Variants in LPCAT1 observed in about 807,000 individuals in gnomAD.
LPCAT1 encodes the protein lysophosphatidylcholine acyltransferase 1.
LPCAT1 carries 23 observed loss-of-function variants against 60.9 expected under a neutral mutation model. The ratio of observed to expected loss-of-function variants is 0.38; its 90% CI spans 0.27 to 0.53. LPCAT1 has a LOEUF of 0.53. Ranked by LOEUF, LPCAT1 falls within the 20% of genes least tolerant of loss-of-function variation. LPCAT1 has a pLI of 0.82. For synonymous variants in LPCAT1, 340 were observed against 301.1 expected (o/e 1.13, Z -1.34); for missense variants, 622 against 723.6 (o/e 0.86, Z 1.61).
intron 1 of LPCAT1, among the ~76,000 whole-genome samples, chr5:1,510,357 G>A (rs150150571): frequency 1.2e-4 from 19 of 152,212 alleles, no homozygotes; most frequent in African/African-American, 3.1e-4. Flanking sequence ...ACCGCCTCCC[G>A]CCGCTGTCAT....
intron 1 of LPCAT1, among the ~76,000 whole-genome samples, chr5:1,514,341 G>C (rs1210806892): frequency 6.6e-6 from 1 of 152,214 alleles, no homozygotes; most frequent in Non-Finnish European, 1.5e-5. Context: ...AGCAGCACGA[G>C]GGGCCATCGC....
At position 1,484,810 on chromosome 5, in the gene LPCAT1, G is replaced by A. The variant is rs58025937; in HGVS notation, c.668-1324C>T. Among the ~76,000 whole-genome samples the A allele has an allele frequency of 4.0e-3, 608 of 152,248 alleles. 4 individuals carry two copies. Among genetic ancestry groups the A allele is most frequent in the African/African-American group, 0.012 (498 of 41,480 alleles). Reference sequence around the variant, plus strand: ...CCCCAAGTCCCTGGGCCCGTGTGCCGCAGCTTCCCCTGTGTCCAGGGCTGG... The same window carrying A: ...CCCCAAGTCCCTGGGCCCGTGTGCCACAGCTTCCCCTGTGTCCAGGGCTGG... On this transcript the variant is annotated intron_variant, in intron 5 of 13. Coordinates refer to ENST00000283415, the MANE Select transcript of LPCAT1 (RefSeq NM_024830.5).
chr5:1,512,924 T>C (rs894012180), intron 1 of LPCAT1, among the ~76,000 whole-genome samples: 1 of 152,210 alleles, frequency 6.6e-6, no homozygotes, highest in African/African-American at 2.4e-5. Context: ...ACCACCTGGC[T>C]CAGACGGCAC....
chr5:1,518,331 A>G (rs1736568465), intron 1 of LPCAT1, among the ~76,000 whole-genome samples: 1 of 152,200 alleles, frequency 6.6e-6, no homozygotes, highest in Non-Finnish European at 1.5e-5. Context: ...GGCACAGTAA[A>G]AACTTTTTCT....
chr5:1,504,981 C>T (rs36975), intron 1 of LPCAT1, among the ~76,000 whole-genome samples: 40,832 of 148,786 alleles, frequency 0.27, 6,607 homozygotes, highest in Non-Finnish European at 0.36. Context: ...CAGTAACCCA[C>T]GCTGTTCCTG....
chr5:1,466,676 C>T (rs752926849), intron 13 of LPCAT1, 73 bp downstream of exon 13: 215 of 1,481,382 alleles, frequency 1.5e-4, no homozygotes, highest in African/African-American at 3.8e-4. Context: ...TGGGCTCCCA[C>T]GGAGACTCGC....
At chr5:1,520,550 C>T in intron 1 of LPCAT1, among the ~76,000 whole-genome samples, 1 of 152,016 alleles carries the variant, frequency 6.6e-6, no homozygotes, top group African/African-American at 2.4e-5. Flanking sequence ...TGGTTCCGAG[C>T]AGCAGAGACT....
In LPCAT1 at chr5:1,476,863, G is replaced by T. The variant is rs1265976634; in HGVS notation, c.899+541C>A. ...GGGAGAGGGGGAGGGCGTGTGAGCC[G>T]ACAGCACTGCCGGCCATGCAAGCAG... On this transcript the variant is annotated intron_variant, in intron 9 of 13. Coordinates refer to ENST00000283415, the MANE Select transcript of LPCAT1 (RefSeq NM_024830.5). This position sits in a 1 kb window ranked among gnomAD's most constrained non-coding sequence, Gnocchi z 8.6. Among the ~76,000 whole-genome samples the T allele has an allele frequency of 6.6e-6, 1 of 152,016 alleles. No individual in the cohort carries two copies. Among genetic ancestry groups the T allele is most frequent in the Non-Finnish European group, 1.5e-5 (1 of 68,000 alleles).
intron 13 of LPCAT1, among the ~76,000 whole-genome samples, chr5:1,465,550 A>G (rs539625137): frequency 6.6e-6 from 1 of 150,632 alleles, no homozygotes; most frequent in Admixed American, 6.6e-5. Context: ...ACAGCAACTA[A>G]ACACACATGC....
At position 1,487,805 on chromosome 5, in the gene LPCAT1, A is replaced by G. The variant is rs1419313938; in HGVS notation, c.667+586T>C. Among the ~76,000 whole-genome samples, 1 of 151,982 alleles carries G rather than the reference A, an allele frequency of 6.6e-6. No homozygotes were observed. Among genetic ancestry groups the G allele is most frequent in the Non-Finnish European group, 1.5e-5 (1 of 68,002 alleles). On this transcript the variant is annotated intron_variant, in intron 5 of 13. Transcript: ENST00000283415. The surrounding 1 kb of genome is among the most constrained non-coding windows in gnomAD (Gnocchi z 6.1). Reference sequence around the variant, plus strand: ...CAAGGGTGTGCAGAATTCCAAACAGACTCAGCGCAAAAAGAACAGTGGACT... The same window carrying G: ...CAAGGGTGTGCAGAATTCCAAACAGGCTCAGCGCAAAAAGAACAGTGGACT...
intron 3 of LPCAT1, among the ~76,000 whole-genome samples, chr5:1,492,274 G>A (rs1735615670): frequency 1.3e-5 from 2 of 151,590 alleles, no homozygotes. Context: ...TCTCTGAGCT[G>A]GGGCCTGGGG....
chr5:1,498,576 C>T (rs1275265092), intron 2 of LPCAT1, among the ~76,000 whole-genome samples: 1 of 152,156 alleles, frequency 6.6e-6, no homozygotes, highest in Non-Finnish European at 1.5e-5. Flanking sequence ...CTCTCATACA[C>T]ATATGTACAT....
intron 1 of LPCAT1, among the ~76,000 whole-genome samples, chr5:1,508,791 G>A (rs139568773): frequency 1.3e-3 from 199 of 152,314 alleles, no homozygotes; most frequent in Admixed American, 2.9e-3. Flanking sequence ...GAGTGAAGGC[G>A]CCGGTGGTCA....
At position 1,508,413 on chromosome 5, in the gene LPCAT1, C is replaced by A. The variant is rs545996772; in HGVS notation, c.136-6810G>T. ...AGAGGTGACGAAGGTAAAATGAGAT[C>A]ATCTGGGGGCCCTGAGCCAACCTGC... On this transcript the variant is annotated intron_variant, in intron 1 of 13. Transcript: ENST00000283415. Among the ~76,000 whole-genome samples the A allele has an allele frequency of 6.3e-4, 96 of 152,242 alleles. 1 individual carries two copies. Among genetic ancestry groups the A allele is most frequent in the East Asian group, 4.4e-3 (23 of 5,176 alleles).
chr5:1,511,918 T>C (rs1579813105), intron 1 of LPCAT1, among the ~76,000 whole-genome samples: 2 of 152,346 alleles, frequency 1.3e-5, no homozygotes, highest in East Asian at 1.9e-4. Flanking sequence ...TGGCTGGGGA[T>C]GGCTGTGTTG....
chr5:1,515,394 C>G (rs1736476394), intron 1 of LPCAT1, among the ~76,000 whole-genome samples: 1 of 151,696 alleles, frequency 6.6e-6, no homozygotes, highest in Admixed American at 6.6e-5. Flanking sequence ...GCTGCAGGAG[C>G]CCACAGCCTG....
At position 1,496,455 on chromosome 5, in the gene LPCAT1, A is replaced by G. The variant is rs536208404; in HGVS notation, c.279-1541T>C. 6.6e-6 allele frequency among the ~76,000 whole-genome samples: 1 copy of G among 151,776 alleles called. No homozygotes were observed. The highest frequency in any genetic ancestry group is 2.1e-4 in the South Asian group (1 of 4,808). On this transcript the variant is annotated intron_variant, in intron 2 of 13. Coordinates refer to ENST00000283415, the MANE Select transcript of LPCAT1 (RefSeq NM_024830.5). The surrounding 1 kb of genome is among the most constrained non-coding windows in gnomAD (Gnocchi z 4.7). ...AAAGTACAAAAACAAAAGCCAAAAG[A>G]CAGCAATTGATGCCTAAGATGGAAG...
chr5:1,500,531 T>C (rs1735965341), intron 2 of LPCAT1, among the ~76,000 whole-genome samples: 1 of 151,100 alleles, frequency 6.6e-6, no homozygotes, highest in Non-Finnish European at 1.5e-5. Context: ...CCTGGAGGGG[T>C]GGTGCCAGCA....
At chr5:1,509,921 G>C (rs1280725324) in intron 1 of LPCAT1, among the ~76,000 whole-genome samples, 1 of 152,230 alleles carries the variant, frequency 6.6e-6, no homozygotes, top group African/African-American at 2.4e-5. Flanking sequence ...TCCCAGGTGA[G>C]GCCTGCAGGA....
Sources: gnomAD v4.1 joint callset for allele counts (sites outside exome capture counted in the v4.1 genomes callset) on GRCh38, gnomAD v4.1.1 for gene constraint, Gnocchi (gnomAD v3.1) non-coding constraint, MANE v1.5 for transcripts, NCBI Gene and HGNC (gene_info 2026-07-23, HGNC 2026-07-21) for gene names.